The following ALCAM variants were observed in gnomAD, a reference collection of about 807,000 sequenced individuals.
The protein encoded by ALCAM is CD166 antigen.
Under a neutral mutation model 70.9 loss-of-function variants are expected in ALCAM, and 30 were observed. The ratio of observed to expected loss-of-function variants is 0.42; its 90% confidence interval spans 0.32 to 0.57. The LOEUF is 0.57. Among genes scored for constraint, ALCAM ranks in the 20% least tolerant of loss-of-function variants. The probability of loss-of-function intolerance (pLI) is 0.11; values close to 1 mark genes in which losing one functional copy is unlikely to be tolerated. For synonymous variants in ALCAM, 249 were observed against 242.5 expected, an observed-to-expected ratio of 1.03 and a Z score of -0.25; for missense variants, 591 against 695.1, an observed-to-expected ratio of 0.85 and a Z score of 1.68.
chr3:105,473,390 GATC>G (rs1937990909), intron 1 of ALCAM, among the ~76,000 whole-genome samples: 1 of 151,448 alleles, frequency 6.6e-6, no homozygotes, highest in South Asian at 2.1e-4. Flanking sequence ...CTACCAGCAT[GATC>G]TTACTTCCTC....
chr3:105,470,351 T>TC (rs1937891887), intron 1 of ALCAM, among the ~76,000 whole-genome samples: 1 of 143,248 alleles, frequency 7.0e-6, no homozygotes, highest in African/African-American at 2.5e-5. Context: ...ACTTGATAAC[T>TC]CAAAAAAAAA....
intron 1 of ALCAM, among the ~76,000 whole-genome samples, chr3:105,422,971 A>G (rs1936705527): frequency 6.6e-6 from 1 of 151,508 alleles, no homozygotes; most frequent in Non-Finnish European, 1.5e-5. Context: ...TTACAACATA[A>G]TGTATAGTTA....
At chr3:105,484,952 G>T (rs766911316) in intron 1 of ALCAM, among the ~76,000 whole-genome samples, 5 of 151,774 alleles carry the variant, frequency 3.3e-5, no homozygotes, top group African/African-American at 4.8e-5. Flanking sequence ...TTTTTTTTTG[G>T]TGGGGGATAG....
intron 1 of ALCAM, among the ~76,000 whole-genome samples, chr3:105,423,301 T>A (rs910374194): frequency 6.6e-6 from 1 of 151,412 alleles, no homozygotes; most frequent in Admixed American, 6.6e-5. Context: ...CAATAAATAT[T>A]GTGACAAATG....
At chr3:105,490,346 A>G (rs1306336974) in intron 1 of ALCAM, among the ~76,000 whole-genome samples, 2 of 152,250 alleles carry the variant, frequency 1.3e-5, no homozygotes, top group Non-Finnish European at 2.9e-5. Context: ...ACCGTTAAGG[A>G]AAGAAACTGG....
At chr3:105,493,058 A>G (rs1023709445) in intron 1 of ALCAM, among the ~76,000 whole-genome samples, 1 of 152,174 alleles carries the variant, frequency 6.6e-6, no homozygotes, top group Non-Finnish European at 1.5e-5. Flanking sequence ...ATATGTAAAT[A>G]TTAGGTGTAC....
intron 1 of ALCAM, among the ~76,000 whole-genome samples, chr3:105,429,492 T>A (rs904682260): frequency 6.6e-6 from 1 of 151,946 alleles, no homozygotes; most frequent in African/African-American, 2.4e-5. Flanking sequence ...ATCTAGGGGA[T>A]CTCCATGAAA....
At chr3:105,425,478 T>G (rs1936767004) in intron 1 of ALCAM, among the ~76,000 whole-genome samples, 1 of 151,784 alleles carries the variant, frequency 6.6e-6, no homozygotes, top group Non-Finnish European at 1.5e-5. Context: ...GAGAAACGAT[T>G]TTCATTCTCC....
At chr3:105,541,383 G>A (rs1333311491) in intron 7 of ALCAM, among the ~76,000 whole-genome samples, 6 of 151,818 alleles carry the variant, frequency 4.0e-5, no homozygotes, top group East Asian at 1.9e-4. Flanking sequence ...TTGAGCAAAA[G>A]CCATGCTGTC....
chr3:105,533,561 CT>C (rs1559824666), intron 4 of ALCAM, 41 bp from the exon 5 acceptor site: 1 of 1,564,178 alleles, frequency 6.4e-7, no homozygotes, highest in Admixed American at 1.7e-5. Context: ...TTGACAGCCC[CT>C]GATTGAACCA....
At chr3:105,432,475 G>GCTT (rs1936957613) in intron 1 of ALCAM, among the ~76,000 whole-genome samples, 1 of 151,944 alleles carries the variant, frequency 6.6e-6, no homozygotes, top group Admixed American at 6.6e-5. Context: ...AAAGATGTGA[G>GCTT]CTTCAGATCC....
At chr3:105,420,294 T>C (rs1936615292) in intron 1 of ALCAM, among the ~76,000 whole-genome samples, 3 of 151,648 alleles carry the variant, frequency 2.0e-5, no homozygotes, top group Admixed American at 2.0e-4. Flanking sequence ...GTATTTTTAA[T>C]ATAGAATTCT....
chr3:105,464,938 C>T (rs1937672679), intron 1 of ALCAM, among the ~76,000 whole-genome samples: 1 of 151,382 alleles, frequency 6.6e-6, no homozygotes, highest in African/African-American at 2.4e-5. Flanking sequence ...TCTTTCCAGT[C>T]AATCTCCCCT....
chr3:105,429,956 TAAAC>T (rs904713614), intron 1 of ALCAM, among the ~76,000 whole-genome samples: 5 of 152,086 alleles, frequency 3.3e-5, no homozygotes, highest in South Asian at 4.1e-4. Flanking sequence ...TAATGAAAGT[TAAAC>T]AAACAAATTA....
In ALCAM at chr3:105,544,210, A is replaced by T. The variant is rs371470424; in HGVS notation, c.992-1013A>T. On this transcript the variant is annotated intron_variant, in intron 8 of 15. Transcript: ENST00000306107. ...AGTTTAACTTCCATGAGTTGTCACC[A>T]CTTATACCCAATTACTCACCATTAC... Among the ~76,000 whole-genome samples, 17 of 151,656 alleles carry T rather than the reference A, an allele frequency of 1.1e-4. No individual in the cohort carries two copies. The South Asian group carries it at 2.7e-3, about 24-fold the overall frequency.
chr3:105,478,839 T>C (rs965212341), intron 1 of ALCAM, among the ~76,000 whole-genome samples: 28 of 152,150 alleles, frequency 1.8e-4, no homozygotes, highest in Admixed American at 4.6e-4. Flanking sequence ...ATAAATATTT[T>C]ACGGGAGGCA....
At chr3:105,456,838 A>T (rs1937540687) in intron 1 of ALCAM, among the ~76,000 whole-genome samples, 1 of 152,222 alleles carries the variant, frequency 6.6e-6, no homozygotes, top group Non-Finnish European at 1.5e-5. Context: ...AAAAGAAAAA[A>T]AAACCCTCTA....
intron 6 of ALCAM, among the ~76,000 whole-genome samples, chr3:105,536,494 T>C (rs1939973981): frequency 1.3e-5 from 2 of 152,072 alleles, no homozygotes; most frequent in Admixed American, 1.3e-4. Flanking sequence ...GTAATAAGAA[T>C]TGGGAAATTG....
rs973291315 is a variant in ALCAM, at chr3:105,535,302, T to A, written c.730+457T>A. 1.3e-5 allele frequency among the ~76,000 whole-genome samples: 2 copies of A among 152,198 alleles called. 1 individual carries two copies. The highest frequency in any genetic ancestry group is 1.3e-4 in the Admixed American group (2 of 15,278). On this transcript the variant is annotated intron_variant, in intron 6 of 15. Coordinates refer to ENST00000306107, the MANE Select transcript of ALCAM (RefSeq NM_001627.4). ...GTGTATTTGAAACAGAGTATTTGTC[T>A]ACAAAGGAATCTTCATGGTCATCTG... is the stretch of plus-strand genomic sequence containing the variant.
Sources: gnomAD v4.1 joint callset for allele counts (sites outside exome capture counted in the v4.1 genomes callset) on GRCh38, gnomAD v4.1.1 for gene constraint, MANE v1.5 for transcripts, NCBI Gene and HGNC (gene_info 2026-07-23, HGNC 2026-07-21) for gene names.